Variants in UBP1 observed in about 807,000 individuals in gnomAD.
UBP1 encodes the protein upstream-binding protein 1.
A neutral mutation model predicts 76.1 loss-of-function variants in UBP1; 22 were observed. The ratio of observed to expected loss-of-function variants is 0.29; its 90% confidence interval spans 0.21 to 0.41. The LOEUF is 0.41. Ranked by LOEUF, UBP1 falls within the 10% of genes least tolerant of loss-of-function variation. The pLI is 1.00. For missense variants in UBP1, 436 were observed against 668.1 expected (o/e 0.65, Z 3.83); for synonymous variants, 224 against 237.1 (o/e 0.94, Z 0.51).
At chr3:33,408,885 T>A in intron 7 of UBP1, 88 bp from the exon 8 acceptor site, 1 of 1,158,346 alleles carries the variant, frequency 8.6e-7, no homozygotes, top group Non-Finnish European at 1.3e-6. Context: ...TCAGTCCAAT[T>A]AAACAAATGC....
chr3:33,408,758 C>T lies in UBP1; in HGVS notation c.859G>A (p.Glu287Lys). 1 of 1,613,990 alleles carries T rather than the reference C, an allele frequency of 6.2e-7. No individual in the cohort carries two copies. Among genetic ancestry groups the T allele is most frequent in the Non-Finnish European group, 8.5e-7 (1 of 1,179,958 alleles). ...EPIIEDAVEH[E>K]QKKSSKRTLP... The stretch of plus-strand genomic sequence containing the variant: ...GTCCGCTTGCTGGACTTTTTCTGCT[C>T]ATGTTCAACTGCATCTTCAATTATA... The change falls in exon 8 of 16, where the codon GAG becomes AAG. Residue 287 changes from glutamate to lysine, a missense_variant. Glu to Lys is a moderately conservative substitution (Grantham distance 56). Coordinates refer to ENST00000283629, the MANE Select transcript of UBP1 (RefSeq NM_014517.5).
At chr3:33,433,122 G>A (rs1271950047) in intron 1 of UBP1, among the ~76,000 whole-genome samples, 2 of 150,970 alleles carry the variant, frequency 1.3e-5, no homozygotes, top group Non-Finnish European at 3.0e-5. Flanking sequence ...ATGCAGTGGC[G>A]CGATCTCAGC....
chr3:33,427,703 TACTA>T (rs1373572334), intron 1 of UBP1, among the ~76,000 whole-genome samples: 1 of 152,202 alleles, frequency 6.6e-6, no homozygotes, highest in South Asian at 2.1e-4. Context: ...TTTTCAAAGA[TACTA>T]ACTATCCACT....
Position 33,425,578 on chromosome 3 carries a change from AAC to A in UBP1, c.265+10_265+11del. On this transcript the variant is annotated intron_variant, in intron 2 of 15. Transcript: ENST00000283629. ...AATTCTTACATGTCAAATGTGACAT[AAC>A]CACACTAACCTTGGTTCAAATAAGT... is the stretch of plus-strand genomic sequence containing the variant. 1 of 1,508,398 alleles carries A rather than the reference AAC, an allele frequency of 6.6e-7. No individual in the cohort carries two copies. The allele number at this position is 1,508,398 out of a possible 1,614,324, so 93.4% of individuals were successfully genotyped here.
At chr3:33,433,970 G>GA (rs924143695) in intron 1 of UBP1, among the ~76,000 whole-genome samples, 7 of 150,094 alleles carry the variant, frequency 4.7e-5, no homozygotes, top group African/African-American at 7.4e-5. Context: ...CTACAGCTAA[G>GA]AAAAAAAAAG....
intron 13 of UBP1, among the ~76,000 whole-genome samples, chr3:33,394,319 T>G (rs962446951): frequency 2.6e-5 from 4 of 151,984 alleles, no homozygotes; most frequent in African/African-American, 9.7e-5. Context: ...GTGCTGGGAT[T>G]ACAGGCGTGA....
At chr3:33,425,254 T>C (rs1314946503) in intron 2 of UBP1, among the ~76,000 whole-genome samples, 1 of 152,312 alleles carries the variant, frequency 6.6e-6, no homozygotes, top group East Asian at 1.9e-4. Context: ...TCCAGGTTCC[T>C]TGCTAGCTGG....
At chr3:33,412,483 T>A (rs2044614998) in intron 4 of UBP1, among the ~76,000 whole-genome samples, 1 of 151,044 alleles carries the variant, frequency 6.6e-6, no homozygotes, top group African/African-American at 2.4e-5. Context: ...CTTGGGAGGC[T>A]AAGGCAGGAA....
chr3:33,396,219 G>A lies in UBP1; in HGVS notation c.1333C>T (p.Gln445Ter). 1.3e-6 allele frequency: 2 copies of A among 1,595,242 alleles called. No individual in the cohort carries two copies. The highest frequency in any genetic ancestry group is 1.7e-6 in the Non-Finnish European group (2 of 1,164,888). Residue 445 changes from glutamine (Q) to a stop codon, truncating the protein, a stop_gained, in exon 13 of 16, where the codon CAA (glutamine) becomes TAA (stop). Coordinates refer to ENST00000283629, the MANE Select transcript of UBP1 (RefSeq NM_014517.5). LOFTEE classifies it high-confidence loss of function. Reference protein sequence around the residue: ...CREQPSSTVLQGQQQAASSAS... With the variant: ...CREQPSSTVL ...CTGCTTGCAGCTTGCTGCTGCCCTT[G>A]CAGCACTGTGCTGCTTGGCTGCTCC...
At chr3:33,400,934 C>T in intron 10 of UBP1, 28 bp downstream of exon 10, 1 of 1,587,896 alleles carries the variant, frequency 6.3e-7, no homozygotes, top group Non-Finnish European at 8.5e-7. Context: ...CTGAAAGCAT[C>T]AGATAGTTTT....
chr3:33,400,866 A>T, intron 10 of UBP1, 96 bp downstream of exon 10: 1 of 1,227,726 alleles, frequency 8.1e-7, no homozygotes. Flanking sequence ...ACATGTAACA[A>T]AACTTCTCAC....
At chr3:33,391,345 T>A (rs1017079873) in intron 15 of UBP1, 1 of 152,186 alleles carries the variant, frequency 6.6e-6, no homozygotes, top group Non-Finnish European at 1.5e-5. Flanking sequence ...CTCAAATAAT[T>A]TTACATTTAG....
chr3:33,390,397 T>C, intron 15 of UBP1, 29 bp from the exon 16 acceptor site: 1 of 1,613,936 alleles, frequency 6.2e-7, no homozygotes, highest in Non-Finnish European at 8.5e-7. Flanking sequence ...CAGTATTTCT[T>C]CAGTCAGGCT....
At chr3:33,425,858 A>C in intron 1 of UBP1, 117 bp from the exon 2 acceptor site, 1 of 909,278 alleles carries the variant, frequency 1.1e-6, no homozygotes, top group Non-Finnish European at 1.5e-6. Flanking sequence ...ATAAACATTT[A>C]GGGATAGTTT....
chr3:33,426,038 T>TATA (rs1364865528), intron 1 of UBP1, among the ~76,000 whole-genome samples: 2 of 83,192 alleles, frequency 2.4e-5, no homozygotes, highest in African/African-American at 8.8e-5. Flanking sequence ...TATATATATA[T>TATA]AGCACTTTAA....
At chr3:33,420,488 C>CTTTTTTT (rs749437546) in intron 2 of UBP1, among the ~76,000 whole-genome samples, 1 of 120,634 alleles carries the variant, frequency 8.3e-6, no homozygotes, top group East Asian at 2.4e-4. Context: ...ACCATACTGG[C>CTTTTTTT]TTTTTTTTTT....
chr3:33,439,240 C>T lies in UBP1; in HGVS notation c.113+496G>A, dbSNP rs796299013. Among the ~76,000 whole-genome samples the T allele has an allele frequency of 3.5e-4, 54 of 152,346 alleles. 1 individual carries two copies. Among genetic ancestry groups the T allele is most frequent in the African/African-American group, 7.9e-4 (33 of 41,580 alleles). ...AAACGAAGTCACAGTGCTACTCCCA[C>T]CGCTGCTCTTTCAATTATAATTTAC... On this transcript the variant is annotated intron_variant, in intron 1 of 15. Transcript: ENST00000283629.
intron 1 of UBP1, among the ~76,000 whole-genome samples, chr3:33,435,927 C>T (rs550102931): frequency 1.3e-5 from 2 of 152,228 alleles, no homozygotes; most frequent in South Asian, 4.1e-4. Flanking sequence ...TAAGTCAAAC[C>T]ATCATAAGTT....
In UBP1 at chr3:33,390,320, T is replaced by C. The variant is rs1270109228; in HGVS notation, c.*11A>G. On this transcript the variant is annotated 3_prime_UTR_variant, in exon 16 of 16. Coordinates refer to ENST00000283629, the MANE Select transcript of UBP1 (RefSeq NM_014517.5). ...ATTTGGTACTGAATACAGTTCAGTC[T>C]ATATAAGACATCACTTCAAAATTAT... 6.2e-7 allele frequency: 1 copy of C among 1,613,668 alleles called. No individual in the cohort carries two copies. Among genetic ancestry groups the C allele is most frequent in the South Asian group, 1.1e-5 (1 of 91,062 alleles).
Sources: gnomAD v4.1 joint callset for allele counts (sites outside exome capture counted in the v4.1 genomes callset) on GRCh38, gnomAD v4.1.1 for gene constraint, MANE v1.5 for transcripts, NCBI Gene and HGNC (gene_info 2026-07-23, HGNC 2026-07-21) for gene names.